The following PPP3CA variants were observed in gnomAD, a reference collection of about 807,000 sequenced individuals.
PPP3CA encodes the protein CAM-PRP catalytic subunit.
A neutral mutation model predicts 66.5 loss-of-function variants in PPP3CA; 14 were observed. The ratio of observed to expected loss-of-function variants is 0.21; its 90% confidence interval spans 0.14 to 0.33. PPP3CA has a LOEUF of 0.33. Ranked by LOEUF, PPP3CA falls within the 10% of genes least tolerant of loss-of-function variation. The pLI is 1.00. For synonymous variants in PPP3CA, 232 were observed against 226.2 expected (o/e 1.03, Z -0.23); for missense variants, 317 against 639.5 (o/e 0.50, Z 5.44).
chr4:101,226,956 C>T (rs529402234), intron 1 of PPP3CA, among the ~76,000 whole-genome samples: 10 of 151,726 alleles, frequency 6.6e-5, no homozygotes, highest in Non-Finnish European at 1.3e-4. Context: ...ATGATGGACA[C>T]GACGCAGTAC....
At chr4:101,100,326 T>G (rs1205137139) in intron 3 of PPP3CA, among the ~76,000 whole-genome samples, 1 of 152,106 alleles carries the variant, frequency 6.6e-6, no homozygotes, top group East Asian at 1.9e-4. Context: ...TGTTGTACAT[T>G]ATCTTTCCAA....
At chr4:101,326,792 A>G (rs1729222525) in intron 1 of PPP3CA, among the ~76,000 whole-genome samples, 1 of 151,980 alleles carries the variant, frequency 6.6e-6, no homozygotes, top group Non-Finnish European at 1.5e-5. Flanking sequence ...CCTCCCACTC[A>G]CTCCCTTCAT....
At chr4:101,273,814 A>C (rs1286345405) in intron 1 of PPP3CA, among the ~76,000 whole-genome samples, 3 of 152,238 alleles carry the variant, frequency 2.0e-5, no homozygotes, top group Non-Finnish European at 4.4e-5. Flanking sequence ...CCTCCTCTAC[A>C]GAAGTAAAAT....
At chr4:101,041,082 TTGA>T (rs1263246874) in intron 10 of PPP3CA, among the ~76,000 whole-genome samples, 1 of 152,198 alleles carries the variant, frequency 6.6e-6, no homozygotes, top group East Asian at 1.9e-4. Context: ...TCATAATTAT[TTGA>T]TGATGATTGT....
intron 1 of PPP3CA, among the ~76,000 whole-genome samples, chr4:101,223,587 T>C (rs1725692924): frequency 6.6e-6 from 1 of 151,808 alleles, no homozygotes; most frequent in Non-Finnish European, 1.5e-5. Flanking sequence ...TATTTCAATG[T>C]GGGATACTGT....
At chr4:101,254,933 C>G (rs1037391482) in intron 1 of PPP3CA, among the ~76,000 whole-genome samples, 1 of 149,674 alleles carries the variant, frequency 6.7e-6, no homozygotes, top group African/African-American at 2.5e-5. Flanking sequence ...ATGCATAAGA[C>G]AGGACCTCGT....
intron 1 of PPP3CA, among the ~76,000 whole-genome samples, chr4:101,207,583 C>G (rs1322516500): frequency 1.3e-5 from 2 of 152,146 alleles, no homozygotes; most frequent in African/African-American, 4.8e-5. Flanking sequence ...AATCCCAGCA[C>G]TGGGAGGCCG....
At chr4:101,329,116 T>C (rs7661895) in intron 1 of PPP3CA, among the ~76,000 whole-genome samples, 16,147 of 152,132 alleles carry the variant, frequency 0.11, 2,913 homozygotes, top group African/African-American at 0.37. Flanking sequence ...GCTAGGCCTC[T>C]TGCGCCAAAC....
At chr4:101,344,848 C>G (rs1355401942) in intron 1 of PPP3CA, among the ~76,000 whole-genome samples, 1 of 152,126 alleles carries the variant, frequency 6.6e-6, no homozygotes. Context: ...ATTGCCAACA[C>G]GTTCACTAGT....
At chr4:101,320,476 G>GTA (rs1553941676) in intron 1 of PPP3CA, among the ~76,000 whole-genome samples, 13 of 116,752 alleles carry the variant, frequency 1.1e-4, no homozygotes, top group East Asian at 6.0e-4. Flanking sequence ...ATGTATGTAT[G>GTA]TGTGTGTGTG....
At chr4:101,270,450 A>T (rs970887848) in intron 1 of PPP3CA, among the ~76,000 whole-genome samples, 1 of 152,228 alleles carries the variant, frequency 6.6e-6, no homozygotes, top group Non-Finnish European at 1.5e-5. Context: ...GTTCCTAAAA[A>T]TATGTTTAAA....
At chr4:101,115,562 A>G (rs1233452342) in intron 2 of PPP3CA, among the ~76,000 whole-genome samples, 1 of 151,992 alleles carries the variant, frequency 6.6e-6, no homozygotes, top group East Asian at 1.9e-4. Context: ...ACTGGCAATT[A>G]AATTATTGCA....
In PPP3CA at chr4:101,098,393, T is replaced by C; in HGVS notation, c.616A>G (p.Ile206Val). Reference sequence around the variant, plus strand: ...TTTCTGATATCATCTAAAGTGTTAATCTCTGGAGACAAACCACCATGCACA... The same window carrying C: ...TTTCTGATATCATCTAAAGTGTTAACCTCTGGAGACAAACCACCATGCACA... ...LCVHGGLSPE[I>V]NTLDDIRKLD... is the part of the protein sequence containing the mutation. The change falls in exon 5 of 14, where the codon ATT becomes GTT. Residue 206 changes from isoleucine to valine, a missense_variant. This residue lies in a region of PPP3CA where 201 missense variants were observed against 501.4 expected (regional missense o/e 0.40). Coordinates refer to ENST00000394854, the MANE Select transcript of PPP3CA (RefSeq NM_000944.5). 1 of 1,609,620 alleles carries C rather than the reference T, an allele frequency of 6.2e-7. No individual in the cohort carries two copies. Among genetic ancestry groups the C allele is most frequent in the Non-Finnish European group, 8.5e-7 (1 of 1,178,268 alleles).
At chr4:101,028,096 C>A (rs1244813382) in intron 13 of PPP3CA, among the ~76,000 whole-genome samples, 1 of 152,112 alleles carries the variant, frequency 6.6e-6, no homozygotes, top group African/African-American at 2.4e-5. Flanking sequence ...GTTTCCCCTA[C>A]CATATCCAAA....
intron 1 of PPP3CA, among the ~76,000 whole-genome samples, chr4:101,295,877 T>C (rs1389947939): frequency 6.6e-6 from 1 of 152,214 alleles, no homozygotes; most frequent in Non-Finnish European, 1.5e-5. Flanking sequence ...AGTTTAACAC[T>C]AGAGAGTGAG....
chr4:101,093,660 C>T, intron 6 of PPP3CA, 116 bp downstream of exon 6: 1 of 1,086,922 alleles, frequency 9.2e-7, no homozygotes, highest in Non-Finnish European at 1.2e-6. Context: ...GCTAGTGAGC[C>T]TTTCATTTAT....
chr4:101,161,441 A>C (rs1205759503), intron 2 of PPP3CA, among the ~76,000 whole-genome samples: 1 of 152,108 alleles, frequency 6.6e-6, no homozygotes, highest in Non-Finnish European at 1.5e-5. Flanking sequence ...TCAGGCTATA[A>C]TTTTGGTATT....
chr4:101,263,218 T>C (rs1727060998), intron 1 of PPP3CA, among the ~76,000 whole-genome samples: 1 of 152,184 alleles, frequency 6.6e-6, no homozygotes, highest in African/African-American at 2.4e-5. Flanking sequence ...TATGTCATCT[T>C]TGCTCCGCCT....
At chr4:101,200,591 A>G (rs1724937378) in intron 1 of PPP3CA, among the ~76,000 whole-genome samples, 1 of 152,166 alleles carries the variant, frequency 6.6e-6, no homozygotes. Flanking sequence ...TTTTGAGCCT[A>G]TATTTTCCTC....
Sources: gnomAD v4.1 joint callset for allele counts (sites outside exome capture counted in the v4.1 genomes callset) on GRCh38, gnomAD v4.1.1 for gene constraint, gnomAD v4.1.1 regional missense constraint, MANE v1.5 for transcripts, NCBI Gene and HGNC (gene_info 2026-07-23, HGNC 2026-07-21) for gene names.